Variants in DHX34 observed in about 807,000 individuals in gnomAD.
The protein encoded by DHX34 is probable ATP-dependent RNA helicase DHX34.
A neutral mutation model predicts 111.1 loss-of-function variants in DHX34; 96 were observed. The ratio of observed to expected loss-of-function variants is 0.86; its 90% confidence interval spans 0.73 to 1.02. The LOEUF is 1.02. DHX34 is among the 50% of genes least tolerant of loss of function. The pLI is 0.00. For synonymous variants in DHX34, 688 were observed against 670.4 expected, an observed-to-expected ratio of 1.03 and a Z score of -0.41; for missense variants, 1,560 against 1,579.9, an observed-to-expected ratio of 0.99 and a Z score of 0.21.
In DHX34 at chr19:47,382,278, T is replaced by A; in HGVS notation, c.*165T>A. 2 of 1,269,168 alleles carry A rather than the reference T, an allele frequency of 1.6e-6. No individual in the cohort carries two copies. Among genetic ancestry groups the A allele is most frequent in the Non-Finnish European group, 2.1e-6 (2 of 950,358 alleles). The allele number at this position is 1,269,168 out of a possible 1,614,324, so 78.6% of individuals were successfully genotyped here. A position where few individuals can be genotyped will look rare whatever the true frequency, so the allele number is the denominator to read the frequency against. ...TTGTGAATAAAGCCTCACATGCTGATACACACTGTTAGGCCTGCACCTGCC... is the reference window on the plus strand; with the variant it reads ...TTGTGAATAAAGCCTCACATGCTGAAACACACTGTTAGGCCTGCACCTGCC... On this transcript the variant is annotated 3_prime_UTR_variant, in exon 17 of 17. Coordinates refer to ENST00000328771, the MANE Select transcript of DHX34 (RefSeq NM_014681.6).
chr19:47,360,604 C>T (rs1252504169), intron 5 of DHX34, among the ~76,000 whole-genome samples: 1 of 152,158 alleles, frequency 6.6e-6, no homozygotes, highest in Non-Finnish European at 1.5e-5. Flanking sequence ...ACTGTCCACT[C>T]TGTCTAAGAG....
At chr19:47,357,189 T>G (rs1183268511) in intron 3 of DHX34, among the ~76,000 whole-genome samples, 1 of 152,152 alleles carries the variant, frequency 6.6e-6, no homozygotes, top group African/African-American at 2.4e-5. Flanking sequence ...CCAACCTGAT[T>G]TCTAGGTTTT....
At chr19:47,373,728 G>T in intron 9 of DHX34, 28 bp downstream of exon 9, 1 of 1,606,104 alleles carries the variant, frequency 6.2e-7, no homozygotes. Flanking sequence ...GGGTAAGGCC[G>T]GCCCCACTCA....
At chr19:47,368,639 T>TATACACAC (rs1307809985) in intron 7 of DHX34, among the ~76,000 whole-genome samples, 1 of 145,702 alleles carries the variant, frequency 6.9e-6, no homozygotes, top group East Asian at 2.0e-4. Context: ...TGTATATATA[T>TATACACAC]ACACACACAC....
intron 6 of DHX34, among the ~76,000 whole-genome samples, chr19:47,363,172 T>C (rs1969686993): frequency 6.6e-6 from 1 of 151,982 alleles, no homozygotes; most frequent in Admixed American, 6.6e-5. Context: ...GCCAGGATGG[T>C]CTTGATTTCC....
Position 47,358,246 on chromosome 19 carries a change from C to G in DHX34, c.1272+126C>G, listed in dbSNP as rs1056660378. 3.5e-6 allele frequency: 5 copies of G among 1,438,778 alleles called. No homozygotes were observed. The African/African-American group carries it at 5.7e-5, about 16-fold the overall frequency. The allele number at this position is 1,438,778 out of a possible 1,614,324, so 89.1% of individuals were successfully genotyped here. A position where few individuals can be genotyped will look rare whatever the true frequency, so the allele number is the denominator to read the frequency against. ...CTGTACTTGTGCAAAGTCGTAGCCA[C>G]CTAGTGGCAGAGCCAGGCTGCGAAC... On this transcript the variant is annotated intron_variant, in intron 4 of 16. Transcript: ENST00000328771.
At chr19:47,379,540 T>G in intron 13 of DHX34, 170 bp from the exon 14 acceptor site, 1 of 979,060 alleles carries the variant, frequency 1.0e-6, no homozygotes. Flanking sequence ...GTTCATGCCG[T>G]ATCCCCAGCA....
intron 14 of DHX34, among the ~76,000 whole-genome samples, chr19:47,380,529 G>T (rs1006615989): frequency 1.3e-5 from 2 of 151,756 alleles, no homozygotes; most frequent in South Asian, 4.2e-4. Flanking sequence ...GAGGAGGGGG[G>T]AGGTGGCCAG....
At chr19:47,350,635 G>T (rs1057162740) in intron 1 of DHX34, among the ~76,000 whole-genome samples, 1 of 152,010 alleles carries the variant, frequency 6.6e-6, no homozygotes, top group Admixed American at 6.6e-5. Context: ...CGTCAGGCTG[G>T]TCTCGCACTC....
chr19:47,381,130 TTGGGTGG>T (rs1249763900), intron 15 of DHX34, 49 bp from the exon 16 acceptor site: 2 of 1,603,916 alleles, frequency 1.2e-6, no homozygotes, highest in East Asian at 4.5e-5. Flanking sequence ...GGGGGGGCAC[TTGGGTGG>T]TGGGTGGCAC....
chr19:47,357,931 T>C lies in DHX34; in HGVS notation c.1083T>C (p.Pro361=), dbSNP rs755924998. The change falls in exon 4 of 17, where the codon CCT becomes CCC. Residue 361 remains proline, a synonymous_variant. Transcript: ENST00000328771. ...TSKSEKLDPR[P]FLRVLESIDH... ...AGTCAGAGAAGCTGGACCCGCGGCC[T>C]TTCCTGAGGGTGCTGGAGTCCATTG... 3 of 1,614,010 alleles carry C rather than the reference T, an allele frequency of 1.9e-6. No individual in the cohort carries two copies. The highest frequency in any genetic ancestry group is 2.5e-6 in the Non-Finnish European group (3 of 1,180,032).
At chr19:47,352,289 C>G (rs1323517509) in intron 1 of DHX34, among the ~76,000 whole-genome samples, 2 of 152,222 alleles carry the variant, frequency 1.3e-5, no homozygotes, top group Admixed American at 1.3e-4. Context: ...CATGAGAGAT[C>G]ATGTGATCAT....
rs1478668825 is a variant in DHX34, at chr19:47,376,425, T to C, written c.2482-18T>C. The stretch of plus-strand genomic sequence containing the variant: ...AGAGCAGATAGGAGGGCTTGTGCTT[T>C]CTCTCTGTCCTCCGCAGATTTTCCA... On this transcript the variant is annotated intron_variant, in intron 11 of 16. Transcript: ENST00000328771. 4.4e-6 allele frequency: 7 copies of C among 1,607,378 alleles called. No homozygotes were observed. The South Asian group carries it at 7.8e-5, about 18-fold the overall frequency.
In DHX34 at chr19:47,376,521, G is replaced by A. The variant is rs200310017; in HGVS notation, c.2560G>A (p.Ala854Thr). 711 of 1,587,470 alleles carry A rather than the reference G, an allele frequency of 4.5e-4. No individual in the cohort carries two copies. The highest frequency in any genetic ancestry group is 1.7e-3 in the Admixed American group (96 of 56,196). The change falls in exon 12 of 17, where the codon GCA becomes ACA. Residue 854 changes from alanine (A) to threonine (T), a missense_variant. Physicochemically the swap from Ala to Thr is moderately conservative, Grantham distance 58. Transcript: ENST00000328771. ...CGCTGGCAGCCCCGAGGTGCTGCAC[G>A]CACAGGAGCTGGAGGCCAGCAACTG... The part of the protein sequence containing the change: ...VFAGSPEVLH[A>T]QELEASNCDG...
intron 3 of DHX34, among the ~76,000 whole-genome samples, chr19:47,357,450 G>A (rs1969489889): frequency 6.6e-6 from 1 of 152,048 alleles, no homozygotes; most frequent in South Asian, 2.1e-4. Context: ...TCACCTGACT[G>A]TTTCTCAATT....
chr19:47,357,800 T>C, intron 3 of DHX34, 66 bp from the exon 4 acceptor site: 1 of 1,545,420 alleles, frequency 6.5e-7, no homozygotes, highest in Non-Finnish European at 8.8e-7. Context: ...GCCTGCAGCC[T>C]CCCCAGCCCA....
At chr19:47,368,612 ATGTGTGTGTG>A (rs374912105) in intron 7 of DHX34, among the ~76,000 whole-genome samples, 1 of 141,590 alleles carries the variant, frequency 7.1e-6, no homozygotes, top group African/African-American at 2.7e-5. Flanking sequence ...GGTCCATTGA[ATGTGTGTGTG>A]TGTGTGTGTA....
rs1251560847 is a variant in DHX34, at chr19:47,380,868, T to C, written c.3035T>C (p.Val1012Ala). Residue 1012 changes from valine (V) to alanine (A), a missense_variant, in exon 15 of 17, where the codon GTG becomes GCG. Transcript: ENST00000328771. ...GGGCTAGAAGTCCAGAACATGTATG[T>C]GGGACCCCAGACCATCCCAGCCACC... ...LTGLEVQNMY[V>A]GPQTIPATPH... is the part of the protein sequence containing the mutation. 2.5e-6 allele frequency: 4 copies of C among 1,613,972 alleles called. No homozygotes were observed. The highest frequency in any genetic ancestry group is 3.4e-6 in the Non-Finnish European group (4 of 1,179,916).
In DHX34 at chr19:47,375,521, A is replaced by G. The variant is rs910504442; in HGVS notation, c.2120A>G (p.Asp707Gly). Reference sequence around the variant, plus strand: ...GGGGCCCAGGCCGCGCAGGTAGGGGACAGCTACAGTCGGTTGCAGCAGCGC... The same window carrying G: ...GGGGCCCAGGCCGCGCAGGTAGGGGGCAGCTACAGTCGGTTGCAGCAGCGC... ...LAGAQAAQVG[D>G]SYSRLQQRRE... Residue 707 changes from aspartate (D) to glycine (G), a missense_variant, in exon 10 of 17, where the codon GAC becomes GGC. Physicochemically the swap from Asp to Gly is moderately conservative, Grantham distance 94. Transcript: ENST00000328771. 1.3e-6 allele frequency: 2 copies of G among 1,568,746 alleles called. No individual in the cohort carries two copies. The highest frequency in any genetic ancestry group is 8.6e-7 in the Non-Finnish European group (1 of 1,163,226).
Sources: allele counts gnomAD v4.1 joint callset (sites outside exome capture counted in the v4.1 genomes callset), GRCh38; gene constraint gnomAD v4.1.1; transcripts MANE v1.5; gene names NCBI Gene and HGNC (gene_info 2026-07-23, HGNC 2026-07-21).